ARHGAP26: variants seen among roughly 807,000 people sequenced by gnomAD.
The protein encoded by ARHGAP26 is rho GTPase-activating protein 26.
ARHGAP26 carries 38 observed loss-of-function variants against 104.8 expected under a neutral mutation model. That is an observed-to-expected ratio of 0.36 (90% confidence interval 0.28 to 0.48). The LOEUF (loss-of-function observed/expected upper bound fraction) is 0.48, where lower values mean the gene tolerates loss of function less well. ARHGAP26 is among the 20% of genes least tolerant of loss of function. ARHGAP26 has a pLI of 0.99. For synonymous variants in ARHGAP26, 341 were observed against 340.0 expected (o/e 1.00, Z -0.03); for missense variants, 704 against 947.9 (o/e 0.74, Z 3.38).
chr5:143,040,840 A>G (rs1045612205), intron 13 of ARHGAP26, among the ~76,000 whole-genome samples: 3 of 152,360 alleles, frequency 2.0e-5, no homozygotes, highest in East Asian at 3.9e-4. Flanking sequence ...CATGTGGTCA[A>G]TGATGCAATC....
intron 1 of ARHGAP26, among the ~76,000 whole-genome samples, chr5:142,850,389 A>G (rs767085439): frequency 2.0e-5 from 3 of 151,682 alleles, no homozygotes; most frequent in Non-Finnish European, 2.9e-5. Flanking sequence ...CTCTCTCTCT[A>G]TGGTGCTTAC....
intron 18 of ARHGAP26, among the ~76,000 whole-genome samples, chr5:143,129,901 G>A (rs1384368930): frequency 6.6e-6 from 1 of 152,158 alleles, no homozygotes; most frequent in Non-Finnish European, 1.5e-5. Context: ...GACTCAGAAG[G>A]GTTAATTATC....
intron 11 of ARHGAP26, among the ~76,000 whole-genome samples, chr5:142,982,454 G>C (rs3776372): frequency 6.6e-6 from 1 of 152,140 alleles, no homozygotes; most frequent in African/African-American, 2.4e-5. Context: ...AGGGTGTCTT[G>C]TCCTACTGTT....
intron 14 of ARHGAP26, among the ~76,000 whole-genome samples, chr5:143,049,551 C>T (rs1784692305): frequency 6.6e-6 from 1 of 152,096 alleles, no homozygotes; most frequent in South Asian, 2.1e-4. Context: ...AATTATTTTT[C>T]AGAGTGCTTT....
chr5:143,115,630 A>G (rs573627757), intron 17 of ARHGAP26, among the ~76,000 whole-genome samples: 7 of 152,202 alleles, frequency 4.6e-5, no homozygotes, highest in East Asian at 1.9e-4. Flanking sequence ...TTTCATCAGC[A>G]CTACCTCGAC....
chr5:143,138,101 C>T (rs1052203535), intron 19 of ARHGAP26, among the ~76,000 whole-genome samples: 1 of 152,172 alleles, frequency 6.6e-6, no homozygotes, highest in African/African-American at 2.4e-5. Context: ...GCCTGCGACT[C>T]TCTCTCTTTA....
intron 20 of ARHGAP26, among the ~76,000 whole-genome samples, chr5:143,152,019 G>A (rs1799907300): frequency 6.6e-6 from 1 of 152,142 alleles, no homozygotes; most frequent in Admixed American, 6.6e-5. Context: ...TGGCTTTCTG[G>A]AACATGCAAA....
chr5:143,211,474 A>C (rs922348867), intron 21 of ARHGAP26, among the ~76,000 whole-genome samples: 7 of 152,228 alleles, frequency 4.6e-5, no homozygotes, highest in Middle Eastern at 3.4e-3. Context: ...CAGTAGAGGG[A>C]GATCTCAAGG....
chr5:143,105,605 G>T (rs562591101), intron 17 of ARHGAP26, among the ~76,000 whole-genome samples: 2 of 152,250 alleles, frequency 1.3e-5, no homozygotes, highest in East Asian at 3.9e-4. Flanking sequence ...GGACATGTGT[G>T]TACAGGTATA....
intron 10 of ARHGAP26, among the ~76,000 whole-genome samples, chr5:142,929,863 A>G (rs1178279900): frequency 1.3e-5 from 2 of 152,202 alleles, no homozygotes; most frequent in Non-Finnish European, 2.9e-5. Flanking sequence ...AACTAGAGAC[A>G]TGTTGGCTCC....
At chr5:143,038,856 C>T (rs1240643621) in intron 13 of ARHGAP26, among the ~76,000 whole-genome samples, 1 of 151,868 alleles carries the variant, frequency 6.6e-6, no homozygotes, top group Non-Finnish European at 1.5e-5. Context: ...CCACCACGTC[C>T]AGCTAATTTT....
intron 3 of ARHGAP26, among the ~76,000 whole-genome samples, chr5:142,875,900 C>T (rs1382885159): frequency 6.6e-6 from 1 of 152,100 alleles, no homozygotes; most frequent in Non-Finnish European, 1.5e-5. Context: ...ACCACTGTGC[C>T]TAGCTAATTT....
At chr5:142,927,175 G>A (rs1183140280) in intron 10 of ARHGAP26, among the ~76,000 whole-genome samples, 2 of 152,094 alleles carry the variant, frequency 1.3e-5, no homozygotes, top group Admixed American at 6.5e-5. Context: ...TTACTGAGGT[G>A]TAATCACAGT....
intron 17 of ARHGAP26, among the ~76,000 whole-genome samples, chr5:143,097,834 A>AAG (rs1554227850): frequency 2.0e-5 from 3 of 151,628 alleles, no homozygotes; most frequent in South Asian, 2.1e-4. Context: ...AAAAAAAAAA[A>AAG]AAAGAAAATT....
intron 20 of ARHGAP26, among the ~76,000 whole-genome samples, chr5:143,155,619 C>T (rs1342361486): frequency 1.3e-5 from 2 of 152,212 alleles, no homozygotes; most frequent in African/African-American, 4.8e-5. Context: ...ACTTGGATCT[C>T]TACAGCCTGT....
chr5:142,793,545 G>C (rs145135401), intron 1 of ARHGAP26, among the ~76,000 whole-genome samples: 1 of 151,868 alleles, frequency 6.6e-6, no homozygotes, highest in Admixed American at 6.6e-5. Context: ...TGAAGGCAGT[G>C]CTAGTTATCA....
At chr5:142,919,532 A>G (rs1213511385) in intron 10 of ARHGAP26, 1 of 397,516 alleles carries the variant, frequency 2.5e-6, no homozygotes, top group African/African-American at 2.1e-5. Context: ...AGCAGCACTC[A>G]TGCACCCAGC....
intron 16 of ARHGAP26, among the ~76,000 whole-genome samples, chr5:143,056,872 A>G (rs960052308): frequency 6.6e-6 from 1 of 152,160 alleles, no homozygotes; most frequent in Non-Finnish European, 1.5e-5. Context: ...TTATCTACTC[A>G]TAGTTGTCCC....
intron 1 of ARHGAP26, among the ~76,000 whole-genome samples, chr5:142,819,943 T>C (rs1485276929): frequency 1.3e-5 from 2 of 152,210 alleles, no homozygotes; most frequent in African/African-American, 4.8e-5. Context: ...TCAGGAGGCC[T>C]GTGAAGCCCT....
Sources: allele counts gnomAD v4.1 joint callset (sites outside exome capture counted in the v4.1 genomes callset), GRCh38; gene constraint gnomAD v4.1.1; transcripts MANE v1.5; gene names NCBI Gene and HGNC (gene_info 2026-07-23, HGNC 2026-07-21).